Variants in ZBTB3 observed in about 807,000 individuals in gnomAD.
The protein encoded by ZBTB3 is zinc finger and BTB domain containing 3, also known as zinc finger and BTB domain-containing protein 3.
Under a neutral mutation model 30.6 loss-of-function variants are expected in ZBTB3, and 15 were observed. That is an observed-to-expected ratio of 0.49 (90% CI 0.33 to 0.75). ZBTB3 has a LOEUF of 0.75. Ranked by LOEUF, ZBTB3 falls within the 30% of genes least tolerant of loss-of-function variation. The pLI is 0.02. For missense variants in ZBTB3, 599 were observed against 652.1 expected, an observed-to-expected ratio of 0.92 and a Z score of 0.89; for synonymous variants, 258 against 261.7, an observed-to-expected ratio of 0.99 and a Z score of 0.14.
Position 62,753,872 on chromosome 11 carries a change from G to A in ZBTB3, c.-52+92C>T. ...TCTCCCATTAGCTCCGCCCACCTCG[G>A]CCTAACCTTAGAACAGGCCCCACCC... is the stretch of plus-strand genomic sequence containing the variant. On this transcript the variant is annotated intron_variant, in intron 1 of 1. Transcript: ENST00000394807. The A allele has an allele frequency of 1.9e-6, 3 of 1,572,498 alleles. No individual in the cohort carries two copies. In the Admixed American group the frequency reaches 5.3e-5, roughly 28 times the overall value.
Position 62,752,314 on chromosome 11 carries a change from C to T in ZBTB3, c.1351G>A (p.Glu451Lys). 6.2e-7 allele frequency: 1 copy of T among 1,614,158 alleles called. No homozygotes were observed. Among genetic ancestry groups the T allele is most frequent in the Non-Finnish European group, 8.5e-7 (1 of 1,180,048 alleles). Reference protein sequence around the residue: ...ATVHTRERPYECRYCLRSYTQ... With the variant: ...ATVHTRERPYKCRYCLRSYTQ... ...TAGCTCCGCAGGCAGTAGCGGCACT[C>T]ATAGGGTCGCTCACGTGTGTGCACC... The change falls in exon 2 of 2, where the codon GAG (glutamate) becomes AAG (lysine). Residue 451 changes from glutamate (E) to lysine (K), a missense_variant. Glu to Lys is a moderately conservative substitution (Grantham distance 56). Transcript: ENST00000394807.
chr11:62,753,770 G>A, intron 1 of ZBTB3, 55 bp from the exon 2 acceptor site: 1 of 1,550,218 alleles, frequency 6.5e-7, no homozygotes, highest in South Asian at 1.2e-5. Context: ...AACCTTATCA[G>A]CCCTTAACTA....
Position 62,754,158 on chromosome 11 carries a change from T to G in ZBTB3, c.-246A>C. 8.4e-7 allele frequency: 1 copy of G among 1,192,336 alleles called. No homozygotes were observed. Among genetic ancestry groups the G allele is most frequent in the Non-Finnish European group, 1.2e-6 (1 of 804,180 alleles). The allele number at this position is 1,192,336 out of a possible 1,614,324, so 73.9% of individuals were successfully genotyped here. Reference sequence around the variant, plus strand: ...ACCACCGAGCAGCCACAGGGCGAGCTCCGCCCCTTCCCACCTTCTCAGCTT... The same window carrying G: ...ACCACCGAGCAGCCACAGGGCGAGCGCCGCCCCTTCCCACCTTCTCAGCTT... On this transcript the variant is annotated 5_prime_UTR_variant, in exon 1 of 2. Transcript: ENST00000394807.
Position 62,752,046 on chromosome 11 carries a change from C to T in ZBTB3, c.*44G>A, listed in dbSNP as rs750377202. ...AGGTGCCACCAACCTTCTGAGCTGC[C>T]ATCTAAGGATGGTAAGAGCAGCCTA... On this transcript the variant is annotated 3_prime_UTR_variant, in exon 2 of 2. Transcript: ENST00000394807. 2.0e-6 allele frequency: 3 copies of T among 1,530,212 alleles called. No homozygotes were observed. Among genetic ancestry groups the T allele is most frequent in the South Asian group, 1.3e-5 (1 of 78,986 alleles). The allele number at this position is 1,530,212 out of a possible 1,614,324, so 94.8% of individuals were successfully genotyped here. A position where few individuals can be genotyped will look rare whatever the true frequency, so the allele number is the denominator to read the frequency against.
In ZBTB3 at chr11:62,753,970, G is replaced by C. The variant is rs527387724; in HGVS notation, c.-58C>G. 8.0e-5 allele frequency: 129 copies of C among 1,613,600 alleles called. 2 individuals are homozygous for C. The Middle Eastern group carries it at 2.1e-3, about 27-fold the overall frequency. On this transcript the variant is annotated 5_prime_UTR_variant, in exon 1 of 2. Transcript: ENST00000394807. ...CCGCTTCCTTGATGCCCACCCGGTAGCGTCCAACGGCTCCACGAAGTAGAG... is the reference window on the plus strand; with the variant it reads ...CCGCTTCCTTGATGCCCACCCGGTACCGTCCAACGGCTCCACGAAGTAGAG...
rs2084039271 is a variant in ZBTB3 at position 62,753,789 on chromosome 11, C to T, written c.-51-74G>A. ...TTATCAGCCCTTAACTATCACTTGC[C>T]ACTCCAAAACAATCGCTTAAGTTAC... On this transcript the variant is annotated intron_variant, in intron 1 of 1. Coordinates refer to ENST00000394807, the MANE Select transcript of ZBTB3 (RefSeq NM_001370809.1). 6 of 1,538,016 alleles carry T rather than the reference C, an allele frequency of 3.9e-6. No homozygotes were observed. In the Admixed American group the frequency reaches 1.2e-4, roughly 30 times the overall value.
In ZBTB3 at chr11:62,754,108, A is replaced by T. The variant is rs2084043535; in HGVS notation, c.-196T>A. 1 of 1,589,068 alleles carries T rather than the reference A, an allele frequency of 6.3e-7. No individual in the cohort carries two copies. The highest frequency in any genetic ancestry group is 8.6e-7 in the Non-Finnish European group (1 of 1,157,530). ...GCTAAGGACTACCAGGGTGGGAACT[A>T]GCGGAGAAAGCTGATACCTCACCCA... is the stretch of plus-strand genomic sequence containing the variant. On this transcript the variant is annotated 5_prime_UTR_variant, in exon 1 of 2. Transcript: ENST00000394807.
In ZBTB3 at chr11:62,752,053, GGATGGTAAGAGCA is replaced by G. The variant is rs763156458; in HGVS notation, c.*24_*36del. 7.8e-6 allele frequency: 12 copies of G among 1,542,030 alleles called. No individual in the cohort carries two copies. In the African/African-American group the frequency reaches 1.5e-4, roughly 19 times the overall value. On this transcript the variant is annotated 3_prime_UTR_variant, in exon 2 of 2. Coordinates refer to ENST00000394807, the MANE Select transcript of ZBTB3 (RefSeq NM_001370809.1). ...ACCAACCTTCTGAGCTGCCATCTAA[GGATGGTAAGAGCA>G]GCCTAGCATCAGCTCATGCTCCCTT...
At chr11:62,753,883 G>C (rs1397047484) in intron 1 of ZBTB3, 81 bp downstream of exon 1, 5 of 1,586,626 alleles carry the variant, frequency 3.2e-6, no homozygotes, top group Non-Finnish European at 4.3e-6. Context: ...CCTAACCTTA[G>C]AACAGGCCCC....
chr11:62,751,464 C>T lies in ZBTB3; in HGVS notation c.*626G>A, dbSNP rs2084010162. On this transcript the variant is annotated 3_prime_UTR_variant, in exon 2 of 2. Coordinates refer to ENST00000394807, the MANE Select transcript of ZBTB3 (RefSeq NM_001370809.1). ...TAAAAAATACAAAAAATTAGGCGGG[C>T]GTGGTGGGCCAAGATCGCGCCACTG... The T allele has an allele frequency of 1.4e-5, 2 of 140,462 alleles. No individual in the cohort carries two copies. The highest frequency in any genetic ancestry group is 2.7e-5 in the African/African-American group (1 of 37,020). 8.7% of individuals were successfully genotyped at this position (140,462 alleles called of 1,614,324 possible). A position where few individuals can be genotyped will look rare whatever the true frequency, so the allele number is the denominator to read the frequency against.
At position 62,753,006 on chromosome 11, in the gene ZBTB3, G is replaced by A. The variant is rs1264335811; in HGVS notation, c.659C>T (p.Ala220Val). 1 of 1,614,080 alleles carries A rather than the reference G, an allele frequency of 6.2e-7. No individual in the cohort carries two copies. The highest frequency in any genetic ancestry group is 1.1e-5 in the South Asian group (1 of 91,060). The change falls in exon 2 of 2, where the codon GCC (alanine) becomes GTC (valine). Residue 220 changes from alanine (A) to valine (V), a missense_variant. By Grantham distance (64) the Ala-to-Val change is moderately conservative. Coordinates refer to ENST00000394807, the MANE Select transcript of ZBTB3 (RefSeq NM_001370809.1). The stretch of plus-strand genomic sequence containing the variant: ...GGTCTCAGTGGAGCTACTAGGGCTG[G>A]CAAGAGAGACATCAGCCACTGGTGG... ...PHPPVADVSL[A>V]SPSSSTETIP...
Position 62,754,118 on chromosome 11 carries a change from G to A in ZBTB3, c.-206C>T. ...ACCAGGGTGGGAACTAGCGGAGAAA[G>A]CTGATACCTCACCCACCACCGAGCA... On this transcript the variant is annotated 5_prime_UTR_variant, in exon 1 of 2. Transcript: ENST00000394807. 3 of 1,552,280 alleles carry A rather than the reference G, an allele frequency of 1.9e-6. No homozygotes were observed. Among genetic ancestry groups the A allele is most frequent in the Non-Finnish European group, 2.7e-6 (3 of 1,124,388 alleles).
At position 62,753,556 on chromosome 11, in the gene ZBTB3, C is replaced by A. The variant is rs916726787; in HGVS notation, c.109G>T (p.Ala37Ser). The change falls in exon 2 of 2, where the codon GCC (alanine) becomes TCC (serine). Residue 37 changes from alanine to serine, a missense_variant. Transcript: ENST00000394807. The part of the protein sequence containing the change: ...TVMVGSTQFL[A>S]HRAVLASCSP... The stretch of plus-strand genomic sequence containing the variant: ...CAGGAGGCCAGCACAGCCCGATGGG[C>A]CAAGAACTGGGTACTACCCACCATC... The A allele has an allele frequency of 1.2e-6, 2 of 1,614,144 alleles. No individual in the cohort carries two copies. Among genetic ancestry groups the A allele is most frequent in the Non-Finnish European group, 1.7e-6 (2 of 1,180,028 alleles).
chr11:62,753,937 GC>G (rs1565179706), intron 1 of ZBTB3, 26 bp downstream of exon 1: 33 of 1,599,864 alleles, frequency 2.1e-5, no homozygotes, highest in Non-Finnish European at 2.7e-5. Context: ...CCGCCCCTTA[GC>G]CACCCTCCGC....
At chr11:62,753,742 A>G (rs2084038791) in intron 1 of ZBTB3, 27 bp from the exon 2 acceptor site, 2 of 1,572,070 alleles carry the variant, frequency 1.3e-6, no homozygotes, top group South Asian at 1.1e-5. Context: ...GTGAGTTAAG[A>G]CAGGTAACCT....
chr11:62,753,393 C>G lies in ZBTB3; in HGVS notation c.272G>C (p.Arg91Thr), dbSNP rs2084035068. ...DFMYAGQLTL[R>T]GDTPVEDVLA... ...CACATCCTCCACAGGGGTATCCCCT[C>G]TCAGGGTCAGCTGGCCAGCATACAT... The change falls in exon 2 of 2, where the codon AGA (arginine) becomes ACA (threonine). Residue 91 changes from arginine to threonine, a missense_variant. Arg to Thr is a moderately conservative substitution (Grantham distance 71). Coordinates refer to ENST00000394807, the MANE Select transcript of ZBTB3 (RefSeq NM_001370809.1). The G allele has an allele frequency of 6.2e-7, 1 of 1,614,172 alleles. No individual in the cohort carries two copies. The highest frequency in any genetic ancestry group is 2.2e-5 in the East Asian group (1 of 44,890).
chr11:62,751,950 TAAAA>T lies in ZBTB3; in HGVS notation c.*136_*139del. ...ACTCTGTCTCAAAAAAATAAAAGAT[TAAAA>T]AAAAAAAAGGGTAGGAACTTTCAGC... On this transcript the variant is annotated 3_prime_UTR_variant, in exon 2 of 2. Coordinates refer to ENST00000394807, the MANE Select transcript of ZBTB3 (RefSeq NM_001370809.1). The T allele has an allele frequency of 3.1e-6, 2 of 650,308 alleles. No individual in the cohort carries two copies. Among genetic ancestry groups the T allele is most frequent in the Non-Finnish European group, 4.6e-6 (2 of 437,710 alleles). The allele number at this position is 650,308 out of a possible 1,614,324, so 40.3% of individuals were successfully genotyped here. A position where few individuals can be genotyped will look rare whatever the true frequency, so the allele number is the denominator to read the frequency against.
Position 62,751,421 on chromosome 11 carries a change from G to C in ZBTB3, c.*669C>G, listed in dbSNP as rs1353799371. On this transcript the variant is annotated 3_prime_UTR_variant, in exon 2 of 2. Coordinates refer to ENST00000394807, the MANE Select transcript of ZBTB3 (RefSeq NM_001370809.1). ...GATCGAGACCATCCTGACTAACACG[G>C]TGAAACCCCGTCTCTACTAAAAAAT... 1 of 150,688 alleles carries C rather than the reference G, an allele frequency of 6.6e-6. No individual in the cohort carries two copies. Among genetic ancestry groups the C allele is most frequent in the East Asian group, 1.9e-4 (1 of 5,158 alleles). The allele number at this position is 150,688 out of a possible 1,614,324, so 9.3% of individuals were successfully genotyped here.
Position 62,752,956 on chromosome 11 carries a change from C to T in ZBTB3, c.709G>A (p.Gly237Ser). The change falls in exon 2 of 2, where the codon GGC becomes AGC. Residue 237 changes from glycine (G) to serine (S), a missense_variant. Physicochemically the swap from Gly to Ser is moderately conservative, Grantham distance 56. Coordinates refer to ENST00000394807, the MANE Select transcript of ZBTB3 (RefSeq NM_001370809.1). ...ETIPTNYFSS[G>S]ISAVSLEPLP... ...GGCTCCAATGAAACTGCTGAGATGCCAGAAGAGAAGTAGTTTGTAGGAATG... is the reference window on the plus strand; with the variant it reads ...GGCTCCAATGAAACTGCTGAGATGCTAGAAGAGAAGTAGTTTGTAGGAATG... 6.2e-7 allele frequency: 1 copy of T among 1,614,094 alleles called. No individual in the cohort carries two copies. Among genetic ancestry groups the T allele is most frequent in the Admixed American group, 1.7e-5 (1 of 59,998 alleles).
Sources: gnomAD v4.1 joint callset for allele counts on GRCh38, gnomAD v4.1.1 for gene constraint, MANE v1.5 for transcripts, NCBI Gene and HGNC (gene_info 2026-07-23, HGNC 2026-07-21) for gene names.